Variants in PPM1E observed in about 807,000 individuals in gnomAD.
The protein encoded by PPM1E is protein phosphatase 1E.
PPM1E carries 20 observed loss-of-function variants against 65.9 expected under a neutral mutation model. The observed-to-expected ratio is 0.30, with a 90% CI of 0.21 to 0.44. The LOEUF (loss-of-function observed/expected upper bound fraction) is 0.44, where lower values mean the gene tolerates loss of function less well. Ranked by LOEUF, PPM1E falls within the 20% of genes least tolerant of loss-of-function variation. The probability of loss-of-function intolerance (pLI) is 1.00; values close to 1 mark genes in which losing one functional copy is unlikely to be tolerated. For synonymous variants in PPM1E, 352 were observed against 374.9 expected, an observed-to-expected ratio of 0.94 and a Z score of 0.70; for missense variants, 713 against 953.1, an observed-to-expected ratio of 0.75 and a Z score of 3.32.
intron 1 of PPM1E, among the ~76,000 whole-genome samples, chr17:58,895,297 T>C (rs1286726851): frequency 6.6e-6 from 1 of 152,162 alleles, no homozygotes; most frequent in Non-Finnish European, 1.5e-5. Context: ...ATTAGGCCAG[T>C]TAATAACCCT....
chr17:58,960,322 G>T (rs2029990277), intron 2 of PPM1E, among the ~76,000 whole-genome samples: 1 of 152,174 alleles, frequency 6.6e-6, no homozygotes, highest in African/African-American at 2.4e-5. Context: ...ACTCTAATTG[G>T]TCCAACTTGG....
chr17:58,779,192 T>G (rs929691443), intron 1 of PPM1E, among the ~76,000 whole-genome samples: 150 of 150,276 alleles, frequency 1.0e-3, no homozygotes, highest in Non-Finnish European at 1.6e-3. Context: ...TTTTTTTTTT[T>G]GAGTCGGAGT....
chr17:58,851,893 G>A (rs2050829852), intron 1 of PPM1E, among the ~76,000 whole-genome samples: 1 of 152,212 alleles, frequency 6.6e-6, no homozygotes. Context: ...GTCTACAGAG[G>A]CAGGCAGGCC....
chr17:58,787,675 G>C (rs933157476), intron 1 of PPM1E, among the ~76,000 whole-genome samples: 2 of 152,004 alleles, frequency 1.3e-5, no homozygotes, highest in African/African-American at 4.8e-5. Flanking sequence ...TTGGGAGGCC[G>C]AGGCGGGCGG....
chr17:58,909,903 C>G (rs368046692), intron 1 of PPM1E, among the ~76,000 whole-genome samples: 1 of 131,822 alleles, frequency 7.6e-6, no homozygotes, highest in South Asian at 2.5e-4. Flanking sequence ...TTCTTTCTTT[C>G]TTTCTTTCTT....
chr17:58,847,920 A>G (rs2143248410), intron 1 of PPM1E, among the ~76,000 whole-genome samples: 1 of 152,224 alleles, frequency 6.6e-6, no homozygotes, highest in Non-Finnish European at 1.5e-5. Flanking sequence ...ATGTTCTTCC[A>G]TTTGTTTGTG....
At position 58,756,435 on chromosome 17, in the gene PPM1E, C is replaced by T. The variant is rs1254888507; in HGVS notation, c.438C>T (p.Asp146=). The T allele has an allele frequency of 1.5e-6, 2 of 1,332,432 alleles. No individual in the cohort carries two copies. Among genetic ancestry groups the T allele is most frequent in the East Asian group, 3.1e-5 (1 of 32,418 alleles). The allele number at this position is 1,332,432 out of a possible 1,614,324, so 82.5% of individuals were successfully genotyped here. A position where few individuals can be genotyped will look rare whatever the true frequency, so the allele number is the denominator to read the frequency against. Residue 146 remains aspartate (D), a synonymous_variant, in exon 1 of 7, where the codon GAC becomes GAT. Coordinates refer to ENST00000308249, the MANE Select transcript of PPM1E (RefSeq NM_014906.5). Reference sequence around the variant, plus strand: ...AGGAGGTGGAGGGCGAAAGCCTGGACCTGTGCCTGCAGCAGCTCTACAAAT... The same window carrying T: ...AGGAGGTGGAGGGCGAAAGCCTGGATCTGTGCCTGCAGCAGCTCTACAAAT... ...TREEVEGESL[D]LCLQQLYKYN...
intron 1 of PPM1E, among the ~76,000 whole-genome samples, chr17:58,812,170 G>A (rs1377636552): frequency 2.0e-5 from 3 of 151,176 alleles, no homozygotes; most frequent in East Asian, 1.9e-4. Context: ...CAGGTGTGGT[G>A]GCAGGCGCCT....
intron 1 of PPM1E, among the ~76,000 whole-genome samples, chr17:58,766,135 C>G (rs2049873846): frequency 6.6e-6 from 1 of 150,950 alleles, no homozygotes; most frequent in Middle Eastern, 3.4e-3. Context: ...CCTACTTGGC[C>G]TCCCAAAGTG....
intron 1 of PPM1E, among the ~76,000 whole-genome samples, chr17:58,861,094 G>A (rs1285101731): frequency 3.3e-5 from 5 of 152,106 alleles, no homozygotes; most frequent in Non-Finnish European, 1.5e-5. Flanking sequence ...TGAGAAGCAC[G>A]GATATATTTC....
At chr17:58,893,055 C>A (rs2051367685) in intron 1 of PPM1E, among the ~76,000 whole-genome samples, 1 of 152,144 alleles carries the variant, frequency 6.6e-6, no homozygotes, top group Non-Finnish European at 1.5e-5. Flanking sequence ...GGCAATTTCT[C>A]ACAAAATGAA....
At chr17:58,882,949 TTC>T in intron 1 of PPM1E, among the ~76,000 whole-genome samples, 1 of 140,548 alleles carries the variant, frequency 7.1e-6, no homozygotes, top group South Asian at 2.3e-4. Flanking sequence ...TGTTATTACT[TTC>T]TTTTTTTTTT....
intron 1 of PPM1E, among the ~76,000 whole-genome samples, chr17:58,944,117 A>G (rs2052111780): frequency 6.6e-6 from 1 of 150,598 alleles, no homozygotes; most frequent in Non-Finnish European, 1.5e-5. Context: ...TTACTGCCCC[A>G]TATCTCTGTT....
At position 58,792,743 on chromosome 17, in the gene PPM1E, C is replaced by CTTTTTT. The variant is rs780992600; in HGVS notation, c.464+36306_464+36311dup. Among the ~76,000 whole-genome samples the CTTTTTT allele has an allele frequency of 9.9e-3, 758 of 76,370 alleles. 154 individuals carry two copies. The highest frequency in any genetic ancestry group is 0.03 in the African/African-American group (470 of 15,644). The allele number at this position is 76,370 out of a possible 152,430, so 50.1% of individuals were successfully genotyped here. A position where few individuals can be genotyped will look rare whatever the true frequency, so the allele number is the denominator to read the frequency against. On this transcript the variant is annotated intron_variant, in intron 1 of 6. Coordinates refer to ENST00000308249, the MANE Select transcript of PPM1E (RefSeq NM_014906.5). ...TATTTTATTTTATAAGAATTTTACT[C>CTTTTTT]TTTTTTTTTTTTTTTTTTTTTTTTT...
chr17:58,931,066 T>TAA (rs774968022), intron 1 of PPM1E, among the ~76,000 whole-genome samples: 840 of 83,114 alleles, frequency 0.01, 12 homozygotes, highest in African/African-American at 0.032. Flanking sequence ...ATACAAAAAT[T>TAA]AAAAAAAAAA....
chr17:58,955,316 A>G (rs1598675468), intron 1 of PPM1E, among the ~76,000 whole-genome samples: 1 of 152,226 alleles, frequency 6.6e-6, no homozygotes, highest in South Asian at 2.1e-4. Flanking sequence ...GGTGAGCCCA[A>G]ATCACGCCAT....
chr17:58,975,088 A>ATGC (rs2030911996), intron 6 of PPM1E, among the ~76,000 whole-genome samples: 1 of 152,214 alleles, frequency 6.6e-6, no homozygotes, highest in South Asian at 2.1e-4. Flanking sequence ...TACCCATCAA[A>ATGC]TGCTACCCTT....
intron 1 of PPM1E, among the ~76,000 whole-genome samples, chr17:58,886,766 C>T (rs560810844): frequency 6.6e-6 from 1 of 152,120 alleles, no homozygotes; most frequent in Non-Finnish European, 1.5e-5. Flanking sequence ...AGAAACATTA[C>T]GCTAAGTGAA....
chr17:58,759,240 AGT>A lies in PPM1E; in HGVS notation c.464+2781_464+2782del, dbSNP rs530657982. On this transcript the variant is annotated intron_variant, in intron 1 of 6. Coordinates refer to ENST00000308249, the MANE Select transcript of PPM1E (RefSeq NM_014906.5). The stretch of plus-strand genomic sequence containing the variant: ...GCCACTGTACTCCAGCCTGAGTGAC[AGT>A]GAGACGTTGTCTCAAAAAAAAAAGT... Among the ~76,000 whole-genome samples the A allele has an allele frequency of 3.4e-3, 521 of 152,292 alleles. 5 individuals are homozygous for A. The highest frequency in any genetic ancestry group is 0.012 in the African/African-American group (511 of 41,550).
Sources: allele counts gnomAD v4.1 joint callset (sites outside exome capture counted in the v4.1 genomes callset), GRCh38; gene constraint gnomAD v4.1.1; transcripts MANE v1.5; gene names NCBI Gene and HGNC (gene_info 2026-07-23, HGNC 2026-07-21).